Variants in VASP observed in about 807,000 individuals in gnomAD.
VASP encodes the protein vasodilator-stimulated phosphoprotein.
Under a neutral mutation model 54.4 loss-of-function variants are expected in VASP, and 27 were observed. The ratio of observed to expected loss-of-function variants is 0.50; its 90% CI spans 0.37 to 0.68. VASP has a LOEUF of 0.68. VASP is among the 30% of genes least tolerant of loss of function. The probability of loss-of-function intolerance (pLI) is 0.00; values close to 1 mark genes in which losing one functional copy is unlikely to be tolerated. For missense variants in VASP, 488 were observed against 528.3 expected (o/e 0.92, Z 0.75); for synonymous variants, 233 against 209.8 (o/e 1.11, Z -0.96).
intron 8 of VASP, 71 bp downstream of exon 8, chr19:45,523,766 G>A (rs2122342001): frequency 6.2e-7 from 1 of 1,613,976 alleles, no homozygotes; most frequent in Non-Finnish European, 8.5e-7. Context: ...TGGGATGTGT[G>A]GGGTTTGAAC....
intron 5 of VASP, 22 bp from the exon 6 acceptor site, chr19:45,522,318 C>G: frequency 1.2e-6 from 2 of 1,612,116 alleles, no homozygotes; most frequent in Non-Finnish European, 1.7e-6. Context: ...CTCAGCTGCC[C>G]CCTTTTCTGT....
chr19:45,518,159 T>G, intron 3 of VASP, 65 bp downstream of exon 3: 13 of 1,552,324 alleles, frequency 8.4e-6, no homozygotes, highest in Non-Finnish European at 1.0e-5. Flanking sequence ...GCTGCCGCTT[T>G]ACCCTGCTGG....
chr19:45,526,767 C>T lies in VASP; in HGVS notation c.*590C>T, dbSNP rs1968980809. ...CTCCCCTTCCCTCTGGCTCCTTCCCCTTTTCTATGAGGAAATAAGATGCTG... is the reference window on the plus strand; with the variant it reads ...CTCCCCTTCCCTCTGGCTCCTTCCCTTTTTCTATGAGGAAATAAGATGCTG... On this transcript the variant is annotated 3_prime_UTR_variant, in exon 13 of 13. Transcript: ENST00000245932. The T allele has an allele frequency of 6.6e-6, 1 of 152,362 alleles. No individual in the cohort carries two copies. The highest frequency in any genetic ancestry group is 6.6e-5 in the Admixed American group (1 of 15,266). 9.4% of individuals were successfully genotyped at this position (152,362 alleles called of 1,614,324 possible).
At chr19:45,524,348 G>A in intron 10 of VASP, 1 of 690,020 alleles carries the variant, frequency 1.4e-6, no homozygotes. Context: ...GCCTCAGCGA[G>A]CCATCATCAT....
chr19:45,515,219 C>CG (rs979743209), intron 1 of VASP, among the ~76,000 whole-genome samples: 5 of 152,202 alleles, frequency 3.3e-5, no homozygotes, highest in African/African-American at 1.2e-4. Context: ...AGAGGCTTTG[C>CG]GGGGGGTGTC....
intron 1 of VASP, among the ~76,000 whole-genome samples, chr19:45,510,658 C>G (rs533137607): frequency 6.6e-6 from 1 of 152,072 alleles, no homozygotes; most frequent in South Asian, 2.1e-4. Flanking sequence ...CAGGGCCAGG[C>G]GCCGGGGCTC....
intron 4 of VASP, among the ~76,000 whole-genome samples, chr19:45,521,654 C>A (rs372458735): frequency 5.5e-4 from 84 of 152,236 alleles, no homozygotes; most frequent in African/African-American, 1.9e-3. Flanking sequence ...TCTGGGAGGC[C>A]GAGGCGGGCA....
intron 1 of VASP, among the ~76,000 whole-genome samples, chr19:45,510,080 G>A (rs1968570966): frequency 6.6e-6 from 1 of 152,196 alleles, no homozygotes; most frequent in African/African-American, 2.4e-5. Context: ...GGGCAGAAGG[G>A]ACTTGGGGAG....
chr19:45,510,620 G>T (rs1272317027), intron 1 of VASP, among the ~76,000 whole-genome samples: 1 of 152,174 alleles, frequency 6.6e-6, no homozygotes, highest in East Asian at 1.9e-4. Flanking sequence ...GCACAGGAAA[G>T]TTAGGCAAGG....
intron 1 of VASP, among the ~76,000 whole-genome samples, chr19:45,509,956 G>T (rs1277760882): frequency 2.0e-5 from 3 of 152,150 alleles, no homozygotes; most frequent in African/African-American, 7.2e-5. Context: ...AAAATTACAA[G>T]ATATAGTTCT....
chr19:45,521,276 C>T (rs970416071), intron 3 of VASP, 46 bp from the exon 4 acceptor site: 9 of 1,514,940 alleles, frequency 5.9e-6, no homozygotes, highest in Non-Finnish European at 8.1e-6. Context: ...AAGAGCTGAG[C>T]AGAGTTCTGG....
chr19:45,513,354 C>T (rs1968637701), intron 1 of VASP, among the ~76,000 whole-genome samples: 1 of 151,652 alleles, frequency 6.6e-6, no homozygotes, highest in South Asian at 2.1e-4. Flanking sequence ...AAGTGATCCT[C>T]CTGCCTCACC....
chr19:45,507,739 C>T lies in VASP; in HGVS notation c.-33C>T. 1 of 1,511,800 alleles carries T rather than the reference C, an allele frequency of 6.6e-7. No homozygotes were observed. The highest frequency in any genetic ancestry group is 1.2e-5 in the South Asian group (1 of 82,604). 93.6% of individuals were successfully genotyped at this position (1,511,800 alleles called of 1,614,324 possible). On this transcript the variant is annotated 5_prime_UTR_variant, in exon 1 of 13. Transcript: ENST00000245932. The surrounding 1 kb of genome is among the most constrained non-coding windows in gnomAD (Gnocchi z 4.4). ...CCAGGGGCGCCCCGGGAGCAGCCAG[C>T]CCGTGGGCGAGCCGCCCGCCCGCCG...
In VASP at chr19:45,511,879, C is replaced by A. The variant is rs1353507447; in HGVS notation, c.5+4103C>A. ...TGGGAGGTCGAGGCAGGCAGATCAC[C>A]TGAGGTCAGGAGTTTGAGGCCAGCC... On this transcript the variant is annotated intron_variant, in intron 1 of 12. Coordinates refer to ENST00000245932, the MANE Select transcript of VASP (RefSeq NM_003370.4). Among the ~76,000 whole-genome samples, 5 of 152,322 alleles carry A rather than the reference C, an allele frequency of 3.3e-5. No homozygotes were observed. The East Asian group carries it at 9.6e-4, about 29-fold the overall frequency.
chr19:45,509,928 G>T (rs905157894), intron 1 of VASP, among the ~76,000 whole-genome samples: 3 of 152,198 alleles, frequency 2.0e-5, no homozygotes, highest in African/African-American at 7.2e-5. Flanking sequence ...GCAGTTGGAA[G>T]AGAGGATGTT....
rs376879462 is a variant in VASP, at chr19:45,522,101, C to T, written c.429-67C>T. 5.5e-4 allele frequency: 889 copies of T among 1,602,548 alleles called. 2 individuals are homozygous for T. Among genetic ancestry groups the T allele is most frequent in the Non-Finnish European group, 7.1e-4 (829 of 1,174,316 alleles). ...GACCTCTGAGAGAGAGGACGGAGGT[C>T]GCTGGCCCCTTCGCTGGCCATCCTT... On this transcript the variant is annotated intron_variant, in intron 4 of 12. Coordinates refer to ENST00000245932, the MANE Select transcript of VASP (RefSeq NM_003370.4).
At chr19:45,524,738 C>T (rs768839029) in intron 11 of VASP, 78 bp downstream of exon 11, 26 of 1,383,740 alleles carry the variant, frequency 1.9e-5, no homozygotes, top group Admixed American at 5.7e-5. Context: ...CCGTATGATC[C>T]TAGATAACAT....
At chr19:45,510,295 C>T (rs548656797) in intron 1 of VASP, among the ~76,000 whole-genome samples, 11 of 151,970 alleles carry the variant, frequency 7.2e-5, no homozygotes, top group Admixed American at 4.6e-4. Context: ...GGCATGATCT[C>T]GGCTCACTGC....
chr19:45,519,871 A>G lies in VASP; in HGVS notation c.344-1451A>G, dbSNP rs188719912. Among the ~76,000 whole-genome samples the G allele has an allele frequency of 8.2e-3, 1,137 of 139,460 alleles. 13 individuals are homozygous for G. Among genetic ancestry groups the G allele is most frequent in the African/African-American group, 0.03 (1,101 of 36,634 alleles). The allele number at this position is 139,460 out of a possible 152,430, so 91.5% of individuals were successfully genotyped here. On this transcript the variant is annotated intron_variant, in intron 3 of 12. Coordinates refer to ENST00000245932, the MANE Select transcript of VASP (RefSeq NM_003370.4). ...CGGCCTCCGAAAGTGCTGGGATTAC[A>G]GGCGTGAGCCACTGCGCCCGGCCTT...
Sources: allele counts gnomAD v4.1 joint callset (sites outside exome capture counted in the v4.1 genomes callset), GRCh38; gene constraint gnomAD v4.1.1; non-coding constraint Gnocchi (gnomAD v3.1); transcripts MANE v1.5; gene names NCBI Gene and HGNC (gene_info 2026-07-23, HGNC 2026-07-21).